LDAH: variants seen among roughly 807,000 people sequenced by gnomAD.
LDAH encodes lipid droplet associated hydrolase.
A neutral mutation model predicts 29.6 loss-of-function variants in LDAH; 26 were observed. That is an observed-to-expected ratio of 0.88 (90% CI 0.64 to 1.22). The LOEUF (loss-of-function observed/expected upper bound fraction) is 1.22. Among genes scored for constraint, LDAH ranks in the 50% most tolerant of loss-of-function variants. The pLI, the probability that LDAH is intolerant of heterozygous loss-of-function variation, is 0.00. For synonymous variants in LDAH, 117 were observed against 133.0 expected (o/e 0.88, Z 0.83); for missense variants, 344 against 387.3 (o/e 0.89, Z 0.94).
intron 4 of LDAH, among the ~76,000 whole-genome samples, chr2:20,742,614 C>G (rs1402238863): frequency 6.6e-6 from 1 of 152,014 alleles, no homozygotes; most frequent in African/African-American, 2.4e-5. Context: ...AATATAGCTA[C>G]TCCTGTTTTC....
intron 2 of LDAH, among the ~76,000 whole-genome samples, chr2:20,795,589 G>T (rs1367355633): frequency 6.6e-6 from 1 of 151,924 alleles, no homozygotes; most frequent in African/African-American, 2.4e-5. Flanking sequence ...AAGATCTAAG[G>T]TTCATCAGAA....
intron 2 of LDAH, among the ~76,000 whole-genome samples, chr2:20,793,363 G>A (rs1671096309): frequency 6.6e-6 from 1 of 152,122 alleles, no homozygotes; most frequent in African/African-American, 2.4e-5. Context: ...TTTGAGGGAA[G>A]AGAATAAATA....
At chr2:20,809,348 G>A (rs973716367) in intron 1 of LDAH, among the ~76,000 whole-genome samples, 6 of 152,008 alleles carry the variant, frequency 3.9e-5, no homozygotes, top group African/African-American at 1.5e-4. Flanking sequence ...GCAGTGAGCC[G>A]AGATCGCACC....
chr2:20,712,982 A>G (rs904325028), intron 5 of LDAH, among the ~76,000 whole-genome samples: 3 of 152,266 alleles, frequency 2.0e-5, no homozygotes, highest in African/African-American at 2.4e-5. Flanking sequence ...ATTATCCAGG[A>G]GAACTTTCCC....
At chr2:20,786,921 T>C (rs533838124) in intron 3 of LDAH, among the ~76,000 whole-genome samples, 2 of 152,294 alleles carry the variant, frequency 1.3e-5, no homozygotes, top group South Asian at 4.1e-4. Context: ...CTGGACATAC[T>C]GCAAAATGCT....
chr2:20,774,676 A>C, intron 4 of LDAH, 134 bp downstream of exon 4: 1 of 841,072 alleles, frequency 1.2e-6, no homozygotes, highest in Non-Finnish European at 1.9e-6. Flanking sequence ...ATAAGGATAA[A>C]GGCAGAAAGC....
intron 1 of LDAH, among the ~76,000 whole-genome samples, chr2:20,806,338 G>A (rs770128527): frequency 8.5e-5 from 13 of 152,076 alleles, no homozygotes; most frequent in Non-Finnish European, 1.3e-4. Flanking sequence ...CTCTGTTATT[G>A]TGCCACGATG....
At chr2:20,729,665 T>C (rs959151237) in intron 5 of LDAH, among the ~76,000 whole-genome samples, 1 of 152,230 alleles carries the variant, frequency 6.6e-6, no homozygotes, top group African/African-American at 2.4e-5. Flanking sequence ...ATTCAACTTT[T>C]ATTTTAAGAT....
intron 5 of LDAH, among the ~76,000 whole-genome samples, chr2:20,730,839 A>C (rs1666351036): frequency 6.6e-6 from 1 of 152,182 alleles, no homozygotes; most frequent in African/African-American, 2.4e-5. Flanking sequence ...TCTTGTCAAA[A>C]ATCAGTTGGG....
At chr2:20,782,735 C>T (rs1670281953) in intron 3 of LDAH, among the ~76,000 whole-genome samples, 1 of 152,118 alleles carries the variant, frequency 6.6e-6, no homozygotes, top group Admixed American at 6.5e-5. Context: ...AGCCTGGCTA[C>T]AGGCTTATTA....
intron 4 of LDAH, among the ~76,000 whole-genome samples, chr2:20,756,763 C>G (rs970504282): frequency 6.6e-6 from 1 of 151,664 alleles, no homozygotes; most frequent in African/African-American, 2.4e-5. Context: ...AATGAGAAAA[C>G]AAGTAGAGAA....
intron 5 of LDAH, among the ~76,000 whole-genome samples, chr2:20,708,455 C>T (rs578136272): frequency 6.6e-6 from 1 of 152,126 alleles, no homozygotes; most frequent in Admixed American, 6.5e-5. Context: ...CAGCATCTGA[C>T]AAGGTAAAAT....
chr2:20,801,944 GTGTGTGTGTGTGTA>G (rs1168742278), intron 1 of LDAH, among the ~76,000 whole-genome samples: 1 of 148,316 alleles, frequency 6.7e-6, no homozygotes, highest in Non-Finnish European at 1.5e-5. Flanking sequence ...GTGTGTGTGT[GTGTGTGTGTGTGTA>G]TGTGTGTGTG....
intron 4 of LDAH, among the ~76,000 whole-genome samples, chr2:20,756,064 C>T (rs1311479176): frequency 6.6e-6 from 1 of 151,734 alleles, no homozygotes; most frequent in Non-Finnish European, 1.5e-5. Flanking sequence ...CGGAGTCTCA[C>T]TCTGTCACCC....
At chr2:20,711,910 C>T (rs902894771) in intron 5 of LDAH, among the ~76,000 whole-genome samples, 1 of 152,236 alleles carries the variant, frequency 6.6e-6, no homozygotes, top group African/African-American at 2.4e-5. Flanking sequence ...GAGCCCACTG[C>T]AGCACCAAGG....
At chr2:20,691,610 T>C (rs181738417) in intron 6 of LDAH, among the ~76,000 whole-genome samples, 6 of 152,352 alleles carry the variant, frequency 3.9e-5, no homozygotes, top group Admixed American at 3.3e-4. Context: ...CAGCAGGATG[T>C]TTACATTCAA....
At chr2:20,739,462 A>T (rs1667024745) in intron 5 of LDAH, among the ~76,000 whole-genome samples, 1 of 152,224 alleles carries the variant, frequency 6.6e-6, no homozygotes, top group Admixed American at 6.5e-5. Context: ...AACATTTCCT[A>T]GCATATTCAT....
intron 4 of LDAH, among the ~76,000 whole-genome samples, chr2:20,741,797 C>T (rs1667196371): frequency 6.6e-6 from 1 of 151,466 alleles, no homozygotes; most frequent in Non-Finnish European, 1.5e-5. Context: ...TTGCAAATGA[C>T]AAAACTTCTT....
chr2:20,787,184 T>C (rs1670613666), intron 3 of LDAH, among the ~76,000 whole-genome samples: 1 of 152,230 alleles, frequency 6.6e-6, no homozygotes. Flanking sequence ...ACAATCTTCA[T>C]TGTATTTCCT....
Sources: gnomAD v4.1 joint callset for allele counts (sites outside exome capture counted in the v4.1 genomes callset) on GRCh38, gnomAD v4.1.1 for gene constraint, MANE v1.5 for transcripts, NCBI Gene and HGNC (gene_info 2026-07-23, HGNC 2026-07-21) for gene names.